NAV3: variants seen among roughly 807,000 people sequenced by gnomAD.
NAV3 encodes pore membrane and/or filament interacting like protein 1.
A neutral mutation model predicts 244.7 loss-of-function variants in NAV3; 87 were observed. The observed-to-expected ratio is 0.36, with a 90% CI of 0.30 to 0.42. NAV3 has a LOEUF of 0.42. NAV3 is among the 20% of genes least tolerant of loss of function. The probability of loss-of-function intolerance (pLI) is 1.00; values close to 1 mark genes in which losing one functional copy is unlikely to be tolerated. For missense variants in NAV3, 2,663 were observed against 2,893.3 expected, an observed-to-expected ratio of 0.92 and a Z score of 1.83; for synonymous variants, 1,126 against 1,042.2, an observed-to-expected ratio of 1.08 and a Z score of -1.55.
intron 8 of NAV3, among the ~76,000 whole-genome samples, chr12:78,020,110 C>T (rs1335167508): frequency 6.6e-6 from 1 of 152,130 alleles, no homozygotes; most frequent in Admixed American, 6.6e-5. Flanking sequence ...TGAACTCCCG[C>T]TTCTGCTCTC....
At chr12:77,888,015 A>G (rs1883491180) in intron 1 of NAV3, among the ~76,000 whole-genome samples, 1 of 74,068 alleles carries the variant, frequency 1.4e-5, no homozygotes, top group Non-Finnish European at 2.6e-5. Flanking sequence ...AAGACACAAA[A>G]GTTGTTGAGT....
Position 77,923,624 on chromosome 12 carries a change from G to A in NAV3, c.244-16695G>A, listed in dbSNP as rs1887919267. ...AAATGACCTATTTGTAAATTGTAAA[G>A]CAAAATTAGAATATTAGATACATTC... On this transcript the variant is annotated intron_variant, in intron 1 of 39. Coordinates refer to ENST00000397909, the MANE Select transcript of NAV3 (RefSeq NM_001024383.2). Among the ~76,000 whole-genome samples the A allele has an allele frequency of 2.0e-5, 3 of 152,036 alleles. No individual in the cohort carries two copies. In the South Asian group the frequency reaches 6.2e-4, roughly 32 times the overall value.
At chr12:77,864,907 C>A (rs887225775) in intron 1 of NAV3, among the ~76,000 whole-genome samples, 5 of 151,898 alleles carry the variant, frequency 3.3e-5, no homozygotes, top group African/African-American at 1.2e-4. Context: ...TCAGTAAATA[C>A]CTATTCAAAT....
intron 22 of NAV3, among the ~76,000 whole-genome samples, chr12:78,155,838 A>G (rs538042415): frequency 6.6e-6 from 1 of 151,888 alleles, no homozygotes; most frequent in Non-Finnish European, 1.5e-5. Context: ...CCACTTTTTA[A>G]TGGGGAAGTT....
intron 18 of NAV3, among the ~76,000 whole-genome samples, chr12:78,134,890 G>C (rs1250687255): frequency 2.6e-5 from 4 of 152,186 alleles, no homozygotes; most frequent in Non-Finnish European, 5.9e-5. Context: ...GCTTGGCTAT[G>C]CAAATGCAAT....
chr12:77,986,165 T>C (rs1456394462), intron 5 of NAV3, among the ~76,000 whole-genome samples: 1 of 152,074 alleles, frequency 6.6e-6, no homozygotes, highest in Non-Finnish European at 1.5e-5. Context: ...AGTTTGAGAC[T>C]AGTCTAGCCA....
intron 20 of NAV3, chr12:78,143,352 CA>C: frequency 2.3e-6 from 1 of 432,636 alleles, no homozygotes; most frequent in African/African-American, 2.2e-5. Context: ...AATCTAAGGC[CA>C]AGCGCGGTGG....
At chr12:78,100,109 T>C (rs1566130951) in intron 12 of NAV3, among the ~76,000 whole-genome samples, 3 of 151,988 alleles carry the variant, frequency 2.0e-5, no homozygotes. Context: ...TGTTAGTCTC[T>C]ATGAATATTT....
intron 12 of NAV3, among the ~76,000 whole-genome samples, chr12:78,112,372 A>T (rs1310683033): frequency 6.6e-6 from 1 of 152,152 alleles, no homozygotes; most frequent in Non-Finnish European, 1.5e-5. Context: ...TCATTCTATT[A>T]GTCTGTTCTT....
chr12:77,779,779 A>G (rs1414546485), intron 2 of NAV3, among the ~76,000 whole-genome samples: 1 of 152,188 alleles, frequency 6.6e-6, no homozygotes, highest in African/African-American at 2.4e-5. Flanking sequence ...CTGTCAGCCA[A>G]ATAAGCAGAT....
At chr12:78,100,542 T>A (rs962990571) in intron 12 of NAV3, among the ~76,000 whole-genome samples, 1 of 152,024 alleles carries the variant, frequency 6.6e-6, no homozygotes, top group African/African-American at 2.4e-5. Context: ...AACTGAAGAG[T>A]GTCACAATAC....
At chr12:78,065,434 A>G (rs1245844671) in intron 12 of NAV3, among the ~76,000 whole-genome samples, 1 of 152,170 alleles carries the variant, frequency 6.6e-6, no homozygotes, top group Non-Finnish European at 1.5e-5. Flanking sequence ...GTACAGTAAG[A>G]AAACAAGCCC....
At chr12:78,067,988 G>C (rs1215356439) in intron 12 of NAV3, among the ~76,000 whole-genome samples, 2 of 151,900 alleles carry the variant, frequency 1.3e-5, no homozygotes, top group East Asian at 1.9e-4. Flanking sequence ...GAGGAGAAAA[G>C]AGGAGGAGGA....
intron 2 of NAV3, among the ~76,000 whole-genome samples, chr12:77,664,745 A>C (rs1388948720): frequency 6.6e-6 from 1 of 152,222 alleles, no homozygotes; most frequent in African/African-American, 2.4e-5. Context: ...TTCAGATTAA[A>C]AAATGAAAGA....
At chr12:77,936,909 T>A (rs1053427804) in intron 1 of NAV3, among the ~76,000 whole-genome samples, 3 of 152,200 alleles carry the variant, frequency 2.0e-5, no homozygotes, top group Non-Finnish European at 2.9e-5. Flanking sequence ...ACCTTTGTAT[T>A]CAACTTACAC....
intron 2 of NAV3, among the ~76,000 whole-genome samples, chr12:77,588,034 G>A (rs1277724757): frequency 1.3e-5 from 2 of 152,154 alleles, no homozygotes; most frequent in Non-Finnish European, 2.9e-5. Context: ...ATTTCCATAT[G>A]TATTTTAAAC....
chr12:78,019,916 G>A (rs1876863927), intron 8 of NAV3, among the ~76,000 whole-genome samples: 1 of 152,122 alleles, frequency 6.6e-6, no homozygotes, highest in Non-Finnish European at 1.5e-5. Flanking sequence ...TTTTGTGACA[G>A]CCAAGAAGAA....
intron 12 of NAV3, among the ~76,000 whole-genome samples, chr12:78,068,388 A>G (rs1038691462): frequency 6.0e-5 from 9 of 151,074 alleles, no homozygotes; most frequent in Non-Finnish European, 1.0e-4. Flanking sequence ...TGACCTAAAC[A>G]TATCTATACT....
chr12:77,952,940 GT>G (rs1891037321), intron 3 of NAV3, among the ~76,000 whole-genome samples: 1 of 152,018 alleles, frequency 6.6e-6, no homozygotes, highest in Non-Finnish European at 1.5e-5. Flanking sequence ...GTTTAGAAGA[GT>G]TTAATAACTT....
Sources: allele counts gnomAD v4.1 joint callset (sites outside exome capture counted in the v4.1 genomes callset), GRCh38; gene constraint gnomAD v4.1.1; transcripts MANE v1.5; gene names NCBI Gene and HGNC (gene_info 2026-07-23, HGNC 2026-07-21).